Variants in YAP1 observed in about 807,000 individuals in gnomAD.
YAP1 encodes transcriptional coactivator YAP1.
In YAP1, 5 loss-of-function variants were observed where a neutral mutation model predicts 56.9. That is an observed-to-expected ratio of 0.09 (90% confidence interval 0.05 to 0.18). YAP1 has a LOEUF of 0.18. Among genes scored for constraint, YAP1 ranks in the 10% least tolerant of loss-of-function variants. The pLI is 1.00. For missense variants in YAP1, 539 were observed against 651.8 expected (o/e 0.83, Z 1.88); for synonymous variants, 265 against 248.1 (o/e 1.07, Z -0.64).
intron 3 of YAP1, among the ~76,000 whole-genome samples, chr11:102,164,498 T>A (rs1188104639): frequency 5.3e-5 from 8 of 152,254 alleles, no homozygotes. Context: ...ATGCTCCATC[T>A]AAAAATTATC....
intron 6 of YAP1, 146 bp downstream of exon 6, chr11:102,209,710 A>C: frequency 1.4e-6 from 1 of 715,402 alleles, no homozygotes. Flanking sequence ...CAAGATACTC[A>C]GGTTAACATT....
At chr11:102,172,669 G>A (rs11225155) in intron 3 of YAP1, among the ~76,000 whole-genome samples, 52,482 of 151,718 alleles carry the variant, frequency 0.35, 9,729 homozygotes, top group East Asian at 0.61. Flanking sequence ...ATGGTTCTAA[G>A]TTATGAGAAC....
chr11:102,192,516 A>T (rs1948348092), intron 4 of YAP1, among the ~76,000 whole-genome samples: 1 of 152,220 alleles, frequency 6.6e-6, no homozygotes, highest in Non-Finnish European at 1.5e-5. Flanking sequence ...TTAAATTGGG[A>T]TGTAGAAAAA....
chr11:102,112,155 G>A (rs1942975171), intron 1 of YAP1, among the ~76,000 whole-genome samples: 1 of 152,202 alleles, frequency 6.6e-6, no homozygotes, highest in South Asian at 2.1e-4. Flanking sequence ...ACTGCAGGTT[G>A]ACTCATAGGC....
At chr11:102,133,188 A>G (rs61918364) in intron 2 of YAP1, among the ~76,000 whole-genome samples, 1 of 149,644 alleles carries the variant, frequency 6.7e-6, no homozygotes, top group African/African-American at 2.4e-5. Flanking sequence ...CAAACAAACA[A>G]TTTGGTTTAA....
At chr11:102,186,669 T>G (rs904998413) in intron 4 of YAP1, 1 of 152,666 alleles carries the variant, frequency 6.6e-6, no homozygotes, top group Non-Finnish European at 1.5e-5. Context: ...AATAAATGTT[T>G]TTTTTTCTTC....
At chr11:102,123,766 A>C (rs1354091555) in intron 2 of YAP1, among the ~76,000 whole-genome samples, 1 of 149,302 alleles carries the variant, frequency 6.7e-6, no homozygotes, top group Non-Finnish European at 1.5e-5. Flanking sequence ...CAGCCTCCCG[A>C]GTAGCTGGGA....
chr11:102,153,955 AT>A (rs971881941), intron 2 of YAP1, among the ~76,000 whole-genome samples: 5 of 152,126 alleles, frequency 3.3e-5, no homozygotes, highest in African/African-American at 1.2e-4. Flanking sequence ...GGTCTCATAG[AT>A]TGAGGCAGTC....
Position 102,111,178 on chromosome 11 carries a change from G to T in YAP1, c.321+9G>T. 6.2e-7 allele frequency: 1 copy of T among 1,611,068 alleles called. No individual in the cohort carries two copies. Among genetic ancestry groups the T allele is most frequent in the Non-Finnish European group, 8.5e-7 (1 of 1,178,590 alleles). ...AATCCCACTCCCGACAGGTAACCTC[G>T]TTGCCCCTCTCCCCGTTTCCCCGTC... On this transcript the variant is annotated intron_variant, in intron 1 of 8. Transcript: ENST00000282441.
At chr11:102,161,898 T>C (rs1025718744) in intron 2 of YAP1, among the ~76,000 whole-genome samples, 1 of 152,216 alleles carries the variant, frequency 6.6e-6, no homozygotes, top group Non-Finnish European at 1.5e-5. Context: ...ATCAAAGGGC[T>C]TTGTGTAAGA....
intron 2 of YAP1, among the ~76,000 whole-genome samples, chr11:102,119,677 A>T (rs1045682077): frequency 1.3e-5 from 2 of 152,076 alleles, no homozygotes; most frequent in Non-Finnish European, 2.9e-5. Context: ...CAACCCTAAA[A>T]TAAGTCCTCT....
At chr11:102,151,894 T>G (rs1301149217) in intron 2 of YAP1, among the ~76,000 whole-genome samples, 1 of 151,702 alleles carries the variant, frequency 6.6e-6, no homozygotes, top group Non-Finnish European at 1.5e-5. Flanking sequence ...ATGTACAGAG[T>G]GAGGGAGGAT....
rs1947937796 is a variant in YAP1, at chr11:102,186,223, AT to A, written c.802+94del. ...GGAAAGCACATTTAAATAAAATCGC[AT>A]TGCTTTATAGTATTAAAAAATGACC... On this transcript the variant is annotated intron_variant, in intron 4 of 8. Transcript: ENST00000282441. 4 of 1,391,644 alleles carry A rather than the reference AT, an allele frequency of 2.9e-6. No homozygotes were observed. The East Asian group carries it at 7.7e-5, about 27-fold the overall frequency. 86.2% of individuals were successfully genotyped at this position (1,391,644 alleles called of 1,614,324 possible). A position where few individuals can be genotyped will look rare whatever the true frequency, so the allele number is the denominator to read the frequency against.
rs184610820 is a variant in YAP1 at position 102,200,490 on chromosome 11, G to C, written c.803-5403G>C. Among the ~76,000 whole-genome samples, 102 of 150,118 alleles carry C rather than the reference G, an allele frequency of 6.8e-4. 1 individual carries two copies. Among genetic ancestry groups the C allele is most frequent in the Middle Eastern group, 3.4e-3 (1 of 292 alleles). On this transcript the variant is annotated intron_variant, in intron 4 of 8. Coordinates refer to ENST00000282441, the MANE Select transcript of YAP1 (RefSeq NM_001130145.3). ...CAAGAGTCTTGCACTTTTTGCCCAGGCTGGAGTGCAATGATGCAATCTCAG... is the reference window on the plus strand; with the variant it reads ...CAAGAGTCTTGCACTTTTTGCCCAGCCTGGAGTGCAATGATGCAATCTCAG...
At position 102,209,530 on chromosome 11, in the gene YAP1, T is replaced by C; in HGVS notation, c.998T>C (p.Ile333Thr). 6.2e-7 allele frequency: 1 copy of C among 1,604,422 alleles called. No homozygotes were observed. Among genetic ancestry groups the C allele is most frequent in the Non-Finnish European group, 8.5e-7 (1 of 1,176,992 alleles). The change falls in exon 6 of 9, where the codon ATC becomes ACC. Residue 333 changes from isoleucine to threonine, a missense_variant. By Grantham distance (89) the Ile-to-Thr change is moderately conservative. Transcript: ENST00000282441. ...TTTTACTCTTAGGCAATGCGGAATA[T>C]CAATCCCAGCACAGCAAATTCTCCA... is the stretch of plus-strand genomic sequence containing the variant. The part of the protein sequence containing the change: ...QELLRQAMRN[I>T]NPSTANSPKC...
chr11:102,110,746 G>T lies in YAP1; in HGVS notation c.-103G>T. 2 of 1,095,104 alleles carry T rather than the reference G, an allele frequency of 1.8e-6. No individual in the cohort carries two copies. Among genetic ancestry groups the T allele is most frequent in the Non-Finnish European group, 2.3e-6 (2 of 872,504 alleles). 67.8% of individuals were successfully genotyped at this position (1,095,104 alleles called of 1,614,324 possible). A position where few individuals can be genotyped will look rare whatever the true frequency, so the allele number is the denominator to read the frequency against. ...GAGCGAGGACAGCGCCGCCCGGCCCGCAGCCGTCGCCGCTTCTCCACCTCG... is the reference window on the plus strand; with the variant it reads ...GAGCGAGGACAGCGCCGCCCGGCCCTCAGCCGTCGCCGCTTCTCCACCTCG... On this transcript the variant is annotated 5_prime_UTR_variant, in exon 1 of 9. Transcript: ENST00000282441.
At chr11:102,122,657 G>A (rs991713827) in intron 2 of YAP1, among the ~76,000 whole-genome samples, 6 of 152,048 alleles carry the variant, frequency 3.9e-5, no homozygotes. Flanking sequence ...ACTTCGGAAG[G>A]CCAAGGCGGG....
chr11:102,153,621 C>A (rs949030723), intron 2 of YAP1, among the ~76,000 whole-genome samples: 2 of 152,150 alleles, frequency 1.3e-5, no homozygotes, highest in Non-Finnish European at 2.9e-5. Flanking sequence ...GAACCTTTCT[C>A]AGTAATTATT....
intron 4 of YAP1, chr11:102,186,358 G>T (rs1947944269): frequency 7.1e-6 from 3 of 424,792 alleles, no homozygotes; most frequent in African/African-American, 2.1e-5. Context: ...GTGGGGGAAT[G>T]TCATAATGGC....
Sources: allele counts gnomAD v4.1 joint callset (sites outside exome capture counted in the v4.1 genomes callset), GRCh38; gene constraint gnomAD v4.1.1; transcripts MANE v1.5; gene names NCBI Gene and HGNC (gene_info 2026-07-23, HGNC 2026-07-21).